The following ATP8A2 variants were observed in gnomAD, a reference collection of about 807,000 sequenced individuals.
ATP8A2 encodes phospholipid-transporting ATPase IB.
ATP8A2 carries 100 observed loss-of-function variants against 165.6 expected under a neutral mutation model. The ratio of observed to expected loss-of-function variants is 0.60; its 90% confidence interval spans 0.51 to 0.71. The LOEUF (loss-of-function observed/expected upper bound fraction) is 0.71, where lower values mean the gene tolerates loss of function less well. ATP8A2 is among the 30% of genes least tolerant of loss of function. ATP8A2 has a pLI of 0.00. For missense variants in ATP8A2, 1,227 were observed against 1,479.5 expected, an observed-to-expected ratio of 0.83 and a Z score of 2.80; for synonymous variants, 543 against 548.8, an observed-to-expected ratio of 0.99 and a Z score of 0.15.
chr13:25,504,468 C>T (rs1485878963), intron 2 of ATP8A2, among the ~76,000 whole-genome samples: 18 of 138,764 alleles, frequency 1.3e-4, no homozygotes, highest in African/African-American at 4.6e-4. Flanking sequence ...CGGCCGGGCG[C>T]GGTGGCTCAC....
At chr13:25,509,373 A>G (rs1011504481) in intron 2 of ATP8A2, among the ~76,000 whole-genome samples, 2 of 152,188 alleles carry the variant, frequency 1.3e-5, no homozygotes, top group Non-Finnish European at 2.9e-5. Flanking sequence ...TTGATCAATT[A>G]TTGCTAGAGG....
chr13:25,525,051 T>C (rs902019366), intron 2 of ATP8A2, among the ~76,000 whole-genome samples: 3 of 151,992 alleles, frequency 2.0e-5, no homozygotes, highest in African/African-American at 7.2e-5. Flanking sequence ...GTGTATCTAT[T>C]ATAGGTTTTT....
chr13:25,541,434 G>A (rs1414620202), intron 8 of ATP8A2, among the ~76,000 whole-genome samples: 1 of 152,050 alleles, frequency 6.6e-6, no homozygotes, highest in African/African-American at 2.4e-5. Flanking sequence ...GAGGTGGGAG[G>A]ATCACTTGAG....
At chr13:25,983,426 T>G (rs939278194) in intron 35 of ATP8A2, among the ~76,000 whole-genome samples, 1 of 152,216 alleles carries the variant, frequency 6.6e-6, no homozygotes, top group Admixed American at 6.5e-5. Context: ...TACAAACCAT[T>G]AACCATTGAC....
intron 33 of ATP8A2, among the ~76,000 whole-genome samples, chr13:25,956,516 C>T (rs1955526520): frequency 6.6e-6 from 1 of 152,172 alleles, no homozygotes; most frequent in Non-Finnish European, 1.5e-5. Flanking sequence ...AACTTCCATT[C>T]ACAATTGCTA....
rs1420440094 is a variant in ATP8A2 at position 26,021,639 on chromosome 13, G to T, written c.*1654G>T. The T allele has an allele frequency of 6.6e-6, 1 of 152,164 alleles. No individual in the cohort carries two copies. The highest frequency in any genetic ancestry group is 2.4e-5 in the African/African-American group (1 of 41,428). 9.4% of individuals were successfully genotyped at this position (152,164 alleles called of 1,614,324 possible). On this transcript the variant is annotated 3_prime_UTR_variant, in exon 37 of 37. Transcript: ENST00000381655. ...TGCCTGGAGCCCTGTTCTCTGCTCT[G>T]GTTGCCAAACCAGATTTTTGGATGG...
chr13:25,600,697 C>T (rs772942820), intron 24 of ATP8A2, among the ~76,000 whole-genome samples: 6 of 152,192 alleles, frequency 3.9e-5, no homozygotes, highest in South Asian at 2.1e-4. Context: ...TCTCTTCATG[C>T]TCTCTCTCCT....
chr13:25,394,826 G>C (rs2033366708), intron 1 of ATP8A2, among the ~76,000 whole-genome samples: 1 of 152,160 alleles, frequency 6.6e-6, no homozygotes, highest in South Asian at 2.1e-4. Context: ...TTCGTCACCT[G>C]AGATGACTAG....
intron 33 of ATP8A2, among the ~76,000 whole-genome samples, chr13:25,901,487 C>CATATATT (rs943960323): frequency 2.7e-5 from 4 of 150,036 alleles, no homozygotes; most frequent in African/African-American, 7.3e-5. Context: ...TATATGAATT[C>CATATATT]ATATATTATA....
intron 1 of ATP8A2, among the ~76,000 whole-genome samples, chr13:25,416,544 T>C (rs1165395894): frequency 6.6e-6 from 1 of 152,184 alleles, no homozygotes; most frequent in African/African-American, 2.4e-5. Flanking sequence ...GATGATGTGT[T>C]TTCAGAGCAA....
rs150797585 is a variant in ATP8A2, at chr13:25,841,415, G to A, written c.2956+1791G>A. 3.7e-3 allele frequency among the ~76,000 whole-genome samples: 564 copies of A among 152,230 alleles called. 4 individuals carry two copies. The highest frequency in any genetic ancestry group is 0.013 in the African/African-American group (549 of 41,514). On this transcript the variant is annotated intron_variant, in intron 30 of 36. Transcript: ENST00000381655. ...TTGTATTTATTGAGCCTTCAGCATA[G>A]GGGTTTTCTTTGAGTTGTGTTGCAA...
chr13:25,498,874 C>T (rs1241534207), intron 2 of ATP8A2, among the ~76,000 whole-genome samples: 1 of 152,096 alleles, frequency 6.6e-6, no homozygotes, highest in African/African-American at 2.4e-5. Context: ...AGTGCAGTGG[C>T]AGAGCTCATG....
intron 30 of ATP8A2, among the ~76,000 whole-genome samples, chr13:25,854,851 G>A (rs1952112221): frequency 6.6e-6 from 1 of 152,198 alleles, no homozygotes; most frequent in Non-Finnish European, 1.5e-5. Context: ...TTCATTGAAA[G>A]TATGCAATTC....
At chr13:25,745,004 G>A (rs1003391048) in intron 25 of ATP8A2, among the ~76,000 whole-genome samples, 9 of 151,894 alleles carry the variant, frequency 5.9e-5, no homozygotes, top group African/African-American at 2.2e-4. Flanking sequence ...GCAGTGGCAC[G>A]ATCTTGGCTC....
In ATP8A2 at chr13:26,021,711, G is replaced by A. The variant is rs982390472; in HGVS notation, c.*1726G>A. The A allele has an allele frequency of 6.6e-6, 1 of 152,182 alleles. No homozygotes were observed. Among genetic ancestry groups the A allele is most frequent in the Non-Finnish European group, 1.5e-5 (1 of 68,048 alleles). The allele number at this position is 152,182 out of a possible 1,614,324, so 9.4% of individuals were successfully genotyped here. On this transcript the variant is annotated 3_prime_UTR_variant, in exon 37 of 37. Transcript: ENST00000381655. ...GTTACTGGTGAAAAATGGGAGTGGA[G>A]AGCATGTTTTGGATTTTCACTGTGG...
chr13:25,513,545 C>T (rs2037350452), intron 2 of ATP8A2, among the ~76,000 whole-genome samples: 2 of 152,168 alleles, frequency 1.3e-5, no homozygotes, highest in Non-Finnish European at 1.5e-5. Context: ...CCTCACTTCC[C>T]AGACGGGGTG....
chr13:25,734,462 CTTTATAG>C (rs1454701511), intron 25 of ATP8A2, among the ~76,000 whole-genome samples: 3 of 152,138 alleles, frequency 2.0e-5, no homozygotes, highest in Non-Finnish European at 4.4e-5. Flanking sequence ...TGATATAGTA[CTTTATAG>C]TTTACAGTGC....
intron 27 of ATP8A2, among the ~76,000 whole-genome samples, chr13:25,793,632 C>T (rs1281492915): frequency 2.7e-5 from 4 of 149,290 alleles, no homozygotes; most frequent in Non-Finnish European, 5.9e-5. Context: ...ACTACATGTA[C>T]TATCAGGCTT....
intron 25 of ATP8A2, among the ~76,000 whole-genome samples, chr13:25,768,081 G>GT (rs1458481374): frequency 1.5e-5 from 2 of 133,530 alleles, no homozygotes; most frequent in Admixed American, 7.6e-5. Context: ...TGGCGTGGGG[G>GT]GGGGGTGGTG....
Sources: allele counts gnomAD v4.1 joint callset (sites outside exome capture counted in the v4.1 genomes callset), GRCh38; gene constraint gnomAD v4.1.1; transcripts MANE v1.5; gene names NCBI Gene and HGNC (gene_info 2026-07-23, HGNC 2026-07-21).